ARSB: variants seen among roughly 807,000 people sequenced by gnomAD.
ARSB encodes N-acetylgalactosamine-4-sulfatase.
ARSB carries 41 observed loss-of-function variants against 50.9 expected under a neutral mutation model. The ratio of observed to expected loss-of-function variants is 0.81; its 90% CI spans 0.63 to 1.04. The LOEUF (loss-of-function observed/expected upper bound fraction) is 1.04. ARSB is among the 50% of genes least tolerant of loss of function. The pLI is 0.00. For synonymous variants in ARSB, 269 were observed against 284.8 expected, an observed-to-expected ratio of 0.94 and a Z score of 0.56; for missense variants, 672 against 693.3, an observed-to-expected ratio of 0.97 and a Z score of 0.35.
At chr5:78,856,532 TACCAAAGTGGGTTGGAGAAAA>T (rs1197066300) in intron 5 of ARSB, among the ~76,000 whole-genome samples, 1 of 152,224 alleles carries the variant, frequency 6.6e-6, no homozygotes, top group Admixed American at 6.5e-5. Context: ...AAGGTGTGTA[TACCAAAGTGGGTTGGAGAAAA>T]AGTGTATGTT....
intron 6 of ARSB, among the ~76,000 whole-genome samples, chr5:78,794,395 G>A (rs571657301): frequency 6.6e-6 from 1 of 152,294 alleles, no homozygotes; most frequent in South Asian, 2.1e-4. Context: ...AAAACATCCA[G>A]TGTTTATTGA....
chr5:78,827,000 T>A (rs1197279621), intron 6 of ARSB, among the ~76,000 whole-genome samples: 1 of 152,000 alleles, frequency 6.6e-6, no homozygotes, highest in Admixed American at 6.5e-5. Flanking sequence ...AGGGGGTTCA[T>A]CCTAATAGGG....
intron 4 of ARSB, among the ~76,000 whole-genome samples, chr5:78,933,660 G>C (rs1005799404): frequency 6.6e-6 from 1 of 152,156 alleles, no homozygotes; most frequent in African/African-American, 2.4e-5. Context: ...ACTAGTAGAG[G>C]ATGGGAGGTG....
At chr5:78,788,556 T>G (rs1749156550) in intron 6 of ARSB, among the ~76,000 whole-genome samples, 1 of 152,208 alleles carries the variant, frequency 6.6e-6, no homozygotes, top group African/African-American at 2.4e-5. Context: ...ATCTATAATA[T>G]CTGCTAAATA....
chr5:78,841,153 C>CTAATAATAA (rs1470455538), intron 5 of ARSB, among the ~76,000 whole-genome samples: 1 of 105,362 alleles, frequency 9.5e-6, no homozygotes, highest in African/African-American at 3.5e-5. Context: ...ACTACTACTA[C>CTAATAATAA]TACTACTACT....
intron 5 of ARSB, among the ~76,000 whole-genome samples, chr5:78,847,028 T>A (rs902630893): frequency 2.6e-5 from 4 of 152,226 alleles, no homozygotes; most frequent in Non-Finnish European, 1.5e-5. Context: ...TTATACTTCA[T>A]TCTGTTGATG....
At chr5:78,826,506 TA>T (rs1193422723) in intron 6 of ARSB, among the ~76,000 whole-genome samples, 1 of 152,130 alleles carries the variant, frequency 6.6e-6, no homozygotes, top group Non-Finnish European at 1.5e-5. Flanking sequence ...AATAAATATT[TA>T]AAAAATAATA....
chr5:78,898,053 A>C (rs980419593), intron 4 of ARSB, among the ~76,000 whole-genome samples: 1 of 152,182 alleles, frequency 6.6e-6, no homozygotes, highest in African/African-American at 2.4e-5. Context: ...GGATCACATG[A>C]GGCCAGGAGT....
At chr5:78,851,766 T>G (rs1745801846) in intron 5 of ARSB, among the ~76,000 whole-genome samples, 1 of 152,240 alleles carries the variant, frequency 6.6e-6, no homozygotes, top group Admixed American at 6.5e-5. Flanking sequence ...CATATATATT[T>G]AGGATAGTTA....
At chr5:78,906,207 A>C (rs337854) in intron 4 of ARSB, among the ~76,000 whole-genome samples, 151,082 of 152,166 alleles carry the variant, frequency 0.99, 75,007 homozygotes, top group East Asian at 1. Flanking sequence ...GTGGTGCATG[A>C]CTGCAGTCCC....
chr5:78,944,107 G>A (rs545397365), intron 4 of ARSB, among the ~76,000 whole-genome samples: 10 of 152,248 alleles, frequency 6.6e-5, no homozygotes, highest in East Asian at 1.9e-4. Context: ...CGTAGTTCTC[G>A]TGCCGTGGTT....
chr5:78,780,625 A>C lies in ARSB; in HGVS notation c.1374T>G (p.Asn458Lys). The C allele has an allele frequency of 1.9e-6, 3 of 1,614,142 alleles. No homozygotes were observed. The South Asian group carries it at 3.3e-5, about 18-fold the overall frequency. ...GYWFPPPSQY[N>K]VSEIPSSDPP... ...GGTCTGATGAGGGTATCTCAGAAAC[A>C]TTGTATTGAGACGGTGGAGGGAACC... The change falls in exon 8 of 8, where the codon AAT (asparagine) becomes AAG (lysine). Residue 458 changes from asparagine to lysine, a missense_variant. Transcript: ENST00000264914.
At chr5:78,878,708 T>A (rs1747602120) in intron 5 of ARSB, among the ~76,000 whole-genome samples, 1 of 152,162 alleles carries the variant, frequency 6.6e-6, no homozygotes, top group Admixed American at 6.5e-5. Context: ...TGAAATGATA[T>A]TGATAGTGGG....
In ARSB at chr5:78,885,604, G is replaced by A. The variant is rs149886659; in HGVS notation, c.1122C>T (p.Phe374=). 81 of 1,613,858 alleles carry A rather than the reference G, an allele frequency of 5.0e-5. No homozygotes were observed. The highest frequency in any genetic ancestry group is 5.9e-5 in the Non-Finnish European group (70 of 1,180,036). ...GGTACCTGATGGTTTTCCACACGTC[G>A]AAGCCATCCAGAGGCTTTGTGCCAT... ...HTNGTKPLDG[F]DVWKTISEGS... The change falls in exon 5 of 8, where the codon TTC becomes TTT. Residue 374 remains phenylalanine (F), a synonymous_variant. Coordinates refer to ENST00000264914, the MANE Select transcript of ARSB (RefSeq NM_000046.5).
intron 4 of ARSB, among the ~76,000 whole-genome samples, chr5:78,953,860 T>C (rs78696638): frequency 6.6e-6 from 1 of 152,042 alleles, no homozygotes; most frequent in Non-Finnish European, 1.5e-5. Flanking sequence ...AGTATATACA[T>C]ACATATATAT....
In ARSB at chr5:78,985,054, G is replaced by A. The variant is rs2112582289; in HGVS notation, c.195C>T (p.Ser65=). 1.9e-6 allele frequency: 3 copies of A among 1,541,824 alleles called. No homozygotes were observed. The highest frequency in any genetic ancestry group is 2.6e-6 in the Non-Finnish European group (3 of 1,145,924). Residue 65 remains serine (S), a synonymous_variant, in exon 1 of 8, where the codon TCC becomes TCT. Transcript: ENST00000264914. ...LGWNDVGFHG[S]RIRTPHLDAL... ...CGTCCAGGTGCGGCGTGCGGATGCG[G>A]GAGCCGTGGAAGCCGACGTCGTTCC...
intron 7 of ARSB, 86 bp from the exon 8 acceptor site, chr5:78,780,748 C>A: frequency 6.6e-7 from 1 of 1,522,386 alleles, no homozygotes. Context: ...GCCAAGGCTG[C>A]ACTGGGTTGT....
chr5:78,969,535 TG>T (rs1752358632), intron 1 of ARSB, among the ~76,000 whole-genome samples: 1 of 152,242 alleles, frequency 6.6e-6, no homozygotes, highest in Non-Finnish European at 1.5e-5. Context: ...GTTCCAATTT[TG>T]GGCACACAAG....
intron 4 of ARSB, among the ~76,000 whole-genome samples, chr5:78,894,081 T>C (rs1748458145): frequency 6.6e-6 from 1 of 152,226 alleles, no homozygotes. Context: ...CCTTCAGTAA[T>C]GCCACTAGAG....
Sources: allele counts gnomAD v4.1 joint callset (sites outside exome capture counted in the v4.1 genomes callset), GRCh38; gene constraint gnomAD v4.1.1; transcripts MANE v1.5; gene names NCBI Gene and HGNC (gene_info 2026-07-23, HGNC 2026-07-21).